Variants in RGS7BP observed in about 807,000 individuals in gnomAD.
The protein encoded by RGS7BP is regulator of G protein signaling 7 binding protein.
A neutral mutation model predicts 31.3 loss-of-function variants in RGS7BP; 9 were observed. That is an observed-to-expected ratio of 0.29 (90% CI 0.17 to 0.50). The LOEUF is 0.50. RGS7BP is among the 20% of genes least tolerant of loss of function. The pLI, the probability that RGS7BP is intolerant of heterozygous loss-of-function variation, is 0.98. For synonymous variants in RGS7BP, 115 were observed against 120.1 expected, an observed-to-expected ratio of 0.96 and a Z score of 0.28; for missense variants, 274 against 322.0, an observed-to-expected ratio of 0.85 and a Z score of 1.14.
intron 3 of RGS7BP, among the ~76,000 whole-genome samples, chr5:64,580,499 G>A (rs1028939436): frequency 3.3e-5 from 5 of 152,066 alleles, no homozygotes; most frequent in African/African-American, 7.2e-5. Context: ...TTCAGGCAAG[G>A]TGGTGGAGGT....
intron 2 of RGS7BP, among the ~76,000 whole-genome samples, chr5:64,534,832 C>T (rs1481760077): frequency 3.3e-5 from 5 of 152,136 alleles, no homozygotes; most frequent in African/African-American, 1.2e-4. Flanking sequence ...TTAAAACTTT[C>T]GGACTGGATG....
At chr5:64,589,769 T>C (rs1215983692) in intron 3 of RGS7BP, among the ~76,000 whole-genome samples, 1 of 151,698 alleles carries the variant, frequency 6.6e-6, no homozygotes, top group East Asian at 1.9e-4. Flanking sequence ...CTACAAAAAA[T>C]AAAAACAAAT....
intron 2 of RGS7BP, among the ~76,000 whole-genome samples, chr5:64,509,119 C>T (rs540739508): frequency 5.3e-5 from 8 of 151,582 alleles, no homozygotes; most frequent in East Asian, 1.9e-4. Flanking sequence ...GAAGTAAATC[C>T]GGGAAATGGA....
intron 3 of RGS7BP, among the ~76,000 whole-genome samples, chr5:64,587,754 G>T (rs1459455959): frequency 3.3e-5 from 5 of 152,216 alleles, no homozygotes; most frequent in Non-Finnish European, 4.4e-5. Flanking sequence ...AATAGGGGTT[G>T]TAAACAGGAA....
chr5:64,607,010 CCAGCGG>C (rs1743382278), intron 5 of RGS7BP, among the ~76,000 whole-genome samples: 2 of 151,950 alleles, frequency 1.3e-5, no homozygotes, highest in South Asian at 4.2e-4. Context: ...TTTGATATGC[CCAGCGG>C]AGGCACCTGT....
intron 5 of RGS7BP, among the ~76,000 whole-genome samples, chr5:64,608,541 G>A (rs552585069): frequency 1.3e-5 from 2 of 152,140 alleles, no homozygotes; most frequent in East Asian, 3.9e-4. Flanking sequence ...CCAATGTAAA[G>A]GAAAATAGTT....
intron 2 of RGS7BP, among the ~76,000 whole-genome samples, chr5:64,535,626 G>GTAGC (rs1277263391): frequency 6.6e-6 from 1 of 152,236 alleles, no homozygotes; most frequent in Non-Finnish European, 1.5e-5. Context: ...TCAATTTTAA[G>GTAGC]TAGCACAAAG....
intron 3 of RGS7BP, among the ~76,000 whole-genome samples, chr5:64,577,651 C>A (rs1371943558): frequency 1.3e-5 from 2 of 152,128 alleles, no homozygotes; most frequent in African/African-American, 4.8e-5. Flanking sequence ...CTCCTTGATA[C>A]TCCTAATGCC....
intron 2 of RGS7BP, among the ~76,000 whole-genome samples, chr5:64,544,865 G>A (rs76688241): frequency 0.01 from 1,561 of 152,146 alleles, 15 homozygotes; most frequent in Non-Finnish European, 0.014. Flanking sequence ...CAGGAACCAT[G>A]TTGTAAGACA....
At chr5:64,545,945 C>T (rs1483991945) in intron 2 of RGS7BP, among the ~76,000 whole-genome samples, 5 of 151,882 alleles carry the variant, frequency 3.3e-5, no homozygotes, top group Admixed American at 2.6e-4. Flanking sequence ...TGAAAGTAAC[C>T]GGGTTTGAGA....
At chr5:64,605,506 G>C (rs183746101) in intron 5 of RGS7BP, among the ~76,000 whole-genome samples, 1 of 152,218 alleles carries the variant, frequency 6.6e-6, no homozygotes, top group Admixed American at 6.5e-5. Flanking sequence ...AATCAATGTG[G>C]AGAGACACAT....
intron 2 of RGS7BP, among the ~76,000 whole-genome samples, chr5:64,570,648 G>C (rs1742281578): frequency 6.6e-6 from 1 of 152,074 alleles, no homozygotes; most frequent in Non-Finnish European, 1.5e-5. Flanking sequence ...AAAATCCCCA[G>C]TGTGTTAACT....
chr5:64,545,816 A>G (rs1741645237), intron 2 of RGS7BP, among the ~76,000 whole-genome samples: 1 of 152,214 alleles, frequency 6.6e-6, no homozygotes, highest in Non-Finnish European at 1.5e-5. Flanking sequence ...TGAGATAATA[A>G]TATGGAATTT....
chr5:64,551,195 CA>C (rs1425181015), intron 2 of RGS7BP, among the ~76,000 whole-genome samples: 1 of 151,462 alleles, frequency 6.6e-6, no homozygotes, highest in African/African-American at 2.4e-5. Flanking sequence ...TTAAAACAGA[CA>C]AAGATTACTG....
rs139883350 is a variant in RGS7BP, at chr5:64,609,964, T to C, written c.*712T>C. 6.6e-6 allele frequency: 1 copy of C among 152,596 alleles called. No individual in the cohort carries two copies. The highest frequency in any genetic ancestry group is 2.4e-5 in the African/African-American group (1 of 41,560). 9.5% of individuals were successfully genotyped at this position (152,596 alleles called of 1,614,324 possible). A position where few individuals can be genotyped will look rare whatever the true frequency, so the allele number is the denominator to read the frequency against. On this transcript the variant is annotated 3_prime_UTR_variant, in exon 6 of 6. Transcript: ENST00000334025. ...CTAATTTCTTTTTGATCCAATGATG[T>C]CTTTTTCAGCTTCTTGGAGAATGAA...
intron 3 of RGS7BP, among the ~76,000 whole-genome samples, chr5:64,589,670 A>G (rs1414194986): frequency 6.6e-6 from 1 of 152,184 alleles, no homozygotes; most frequent in African/African-American, 2.4e-5. Flanking sequence ...ACAGTGGCTC[A>G]TGCCTGTAAT....
At chr5:64,513,498 C>G (rs1748893555) in intron 2 of RGS7BP, among the ~76,000 whole-genome samples, 1 of 152,066 alleles carries the variant, frequency 6.6e-6, no homozygotes, top group Admixed American at 6.5e-5. Flanking sequence ...GTTCTGTTTG[C>G]TAGGAAGTTA....
At chr5:64,513,892 C>G (rs995567450) in intron 2 of RGS7BP, among the ~76,000 whole-genome samples, 2 of 152,184 alleles carry the variant, frequency 1.3e-5, no homozygotes, top group African/African-American at 4.8e-5. Flanking sequence ...AAGAACAATT[C>G]AGTATTAGTT....
At chr5:64,548,642 G>T (rs1256725127) in intron 2 of RGS7BP, among the ~76,000 whole-genome samples, 1 of 152,012 alleles carries the variant, frequency 6.6e-6, no homozygotes, top group African/African-American at 2.4e-5. Context: ...GAGCAGCTGG[G>T]ATTACAGGCA....
Sources: allele counts gnomAD v4.1 joint callset (sites outside exome capture counted in the v4.1 genomes callset), GRCh38; gene constraint gnomAD v4.1.1; transcripts MANE v1.5; gene names NCBI Gene and HGNC (gene_info 2026-07-23, HGNC 2026-07-21).